DGKB: variants seen among roughly 807,000 people sequenced by gnomAD.
DGKB encodes diacylglycerol kinase beta.
Under a neutral mutation model 114.3 loss-of-function variants are expected in DGKB, and 67 were observed. The ratio of observed to expected loss-of-function variants is 0.59; its 90% CI spans 0.48 to 0.72. DGKB has a LOEUF of 0.72. DGKB is among the 30% of genes least tolerant of loss of function. The probability of loss-of-function intolerance (pLI) is 0.00; values close to 1 mark genes in which losing one functional copy is unlikely to be tolerated. For synonymous variants in DGKB, 398 were observed against 323.1 expected (o/e 1.23, Z -2.49); for missense variants, 907 against 975.2 (o/e 0.93, Z 0.93).
chr7:14,733,207 C>T (rs894233146), intron 5 of DGKB, among the ~76,000 whole-genome samples: 1 of 152,012 alleles, frequency 6.6e-6, no homozygotes, highest in East Asian at 1.9e-4. Context: ...TGCGGTGAGG[C>T]CTCTCAATTC....
chr7:14,240,076 A>G (rs1407909896), intron 23 of DGKB, among the ~76,000 whole-genome samples: 1 of 152,108 alleles, frequency 6.6e-6, no homozygotes, highest in African/African-American at 2.4e-5. Flanking sequence ...AGTGGAGAAG[A>G]TAACACCATA....
chr7:14,637,332 G>T (rs1296788615), intron 13 of DGKB, among the ~76,000 whole-genome samples: 1 of 151,728 alleles, frequency 6.6e-6, no homozygotes, highest in Non-Finnish European at 1.5e-5. Flanking sequence ...ACATAGTTCT[G>T]GTAATAAAAA....
intron 5 of DGKB, chr7:14,719,024 C>A: frequency 5.5e-6 from 1 of 181,934 alleles, no homozygotes. Flanking sequence ...GTAGTGACAG[C>A]TATAAATCAT....
intron 1 of DGKB, among the ~76,000 whole-genome samples, chr7:14,923,464 T>C (rs1156921747): frequency 6.6e-6 from 1 of 152,198 alleles, no homozygotes. Flanking sequence ...CACTCAAAGC[T>C]CTGTTTCCTT....
intron 25 of DGKB, among the ~76,000 whole-genome samples, chr7:14,171,935 G>A (rs1781059730): frequency 6.6e-6 from 1 of 152,158 alleles, no homozygotes. Context: ...GTGTCTAAAA[G>A]GAGCTGGACA....
intron 17 of DGKB, among the ~76,000 whole-genome samples, chr7:14,586,122 A>G (rs2128734712): frequency 6.6e-6 from 1 of 152,310 alleles, no homozygotes; most frequent in Non-Finnish European, 1.5e-5. Flanking sequence ...TGTCAAAAGC[A>G]CAGGCAGGCC....
intron 1 of DGKB, among the ~76,000 whole-genome samples, chr7:14,909,473 T>G (rs1045717344): frequency 4.6e-4 from 70 of 152,138 alleles, no homozygotes; most frequent in African/African-American, 1.6e-3. Flanking sequence ...TAGAGTGTTG[T>G]TAAGAAGCAC....
intron 15 of DGKB, among the ~76,000 whole-genome samples, chr7:14,616,511 A>G (rs1383508722): frequency 2.6e-5 from 4 of 151,782 alleles, no homozygotes; most frequent in Non-Finnish European, 5.9e-5. Context: ...ATCCTAAAAT[A>G]TTGTGTCCTT....
At chr7:14,418,505 G>A (rs1826149829) in intron 21 of DGKB, among the ~76,000 whole-genome samples, 2 of 151,034 alleles carry the variant, frequency 1.3e-5, no homozygotes, top group Admixed American at 6.6e-5. Flanking sequence ...GAACCATAGT[G>A]TCTCCTACAA....
At chr7:14,514,116 T>C (rs964837120) in intron 20 of DGKB, among the ~76,000 whole-genome samples, 2 of 152,098 alleles carry the variant, frequency 1.3e-5, no homozygotes, top group African/African-American at 4.8e-5. Context: ...ACTGATTTGA[T>C]TTTGGGTACC....
At position 14,970,598 on chromosome 7, in the gene DGKB, A is replaced by G. The variant is rs139693879; in HGVS notation, c.-188+4098T>C. 2.8e-3 allele frequency among the ~76,000 whole-genome samples: 428 copies of G among 152,280 alleles called. 1 individual carries two copies. Among genetic ancestry groups the G allele is most frequent in the South Asian group, 7.5e-3 (36 of 4,826 alleles). On this transcript the variant is annotated intron_variant, in intron 1 of 4. Transcript: ENST00000437998. ...ACCAGAGGAGAAAAAAACACATAGC[A>G]TATCCTCAGAATGCTCCCGTGTCAT...
intron 23 of DGKB, among the ~76,000 whole-genome samples, chr7:14,317,203 C>T (rs1316516797): frequency 1.3e-5 from 1 of 76,500 alleles, no homozygotes; most frequent in Non-Finnish European, 2.6e-5. Context: ...AAACTGGAAG[C>T]ATTCCCTTTG....
intron 15 of DGKB, among the ~76,000 whole-genome samples, chr7:14,619,074 A>G (rs1807112728): frequency 6.6e-6 from 1 of 151,510 alleles, no homozygotes; most frequent in South Asian, 2.1e-4. Flanking sequence ...ATGTGGCTAT[A>G]TATGTGTATT....
chr7:14,189,674 T>C (rs1275694356), intron 23 of DGKB, among the ~76,000 whole-genome samples: 1 of 151,884 alleles, frequency 6.6e-6, no homozygotes, highest in African/African-American at 2.4e-5. Flanking sequence ...AAGATTCACC[T>C]CAAAAAAGGC....
At position 14,723,397 on chromosome 7, in the gene DGKB, G is replaced by GGGTT. The variant is rs568923335; in HGVS notation, c.323-4716_323-4713dup. Among the ~76,000 whole-genome samples the GGGTT allele has an allele frequency of 6.4e-5, 6 of 93,264 alleles. No homozygotes were observed. The East Asian group carries it at 5.2e-3, about 81-fold the overall frequency. 61.2% of individuals were successfully genotyped at this position (93,264 alleles called of 152,430 possible). A position where few individuals can be genotyped will look rare whatever the true frequency, so the allele number is the denominator to read the frequency against. On this transcript the variant is annotated intron_variant, in intron 5 of 25. Transcript: ENST00000402815. Reference sequence around the variant, plus strand: ...AAACATAAAGCTGGGCAAAACAAAAGGGTTTGTTTGTTTTTTGGCCTCAAG... The same window carrying GGGTT: ...AAACATAAAGCTGGGCAAAACAAAAGGGTTGGTTTGTTTGTTTTTTGGCCTCAAG...
intron 2 of DGKB, among the ~76,000 whole-genome samples, chr7:14,830,164 T>C (rs943878082): frequency 1.3e-5 from 2 of 151,996 alleles, no homozygotes; most frequent in African/African-American, 4.8e-5. Context: ...AAAAATTGTA[T>C]GTGTTGATTT....
intron 23 of DGKB, among the ~76,000 whole-genome samples, chr7:14,213,817 A>G (rs1036035615): frequency 2.0e-5 from 3 of 152,176 alleles, no homozygotes; most frequent in African/African-American, 7.2e-5. Flanking sequence ...CCCTCTCATC[A>G]TACAAGTCTG....
At chr7:14,214,419 G>A (rs374367824) in intron 23 of DGKB, among the ~76,000 whole-genome samples, 84 of 152,006 alleles carry the variant, frequency 5.5e-4, no homozygotes, top group African/African-American at 1.9e-3. Flanking sequence ...TTAATGTTTA[G>A]GAAATAAGGA....
intron 20 of DGKB, among the ~76,000 whole-genome samples, chr7:14,485,961 T>G (rs2128922322): frequency 6.6e-6 from 1 of 152,236 alleles, no homozygotes; most frequent in East Asian, 1.9e-4. Context: ...TCCAAGTGAA[T>G]TATTTAATTT....
Sources: gnomAD v4.1 joint callset for allele counts (sites outside exome capture counted in the v4.1 genomes callset) on GRCh38, gnomAD v4.1.1 for gene constraint, MANE v1.5 for transcripts, NCBI Gene and HGNC (gene_info 2026-07-23, HGNC 2026-07-21) for gene names.